Variants in ANK1 observed in about 807,000 individuals in gnomAD.
ANK1 encodes the protein ankyrin 1, also known as ankyrin-1.
Under a neutral mutation model 210.4 loss-of-function variants are expected in ANK1, and 51 were observed. The observed-to-expected ratio is 0.24, with a 90% CI of 0.19 to 0.31. The LOEUF (loss-of-function observed/expected upper bound fraction) is 0.31. Ranked by LOEUF, ANK1 falls within the 10% of genes least tolerant of loss-of-function variation. The pLI is 1.00. For missense variants in ANK1, 2,051 were observed against 2,504.4 expected, an observed-to-expected ratio of 0.82 and a Z score of 3.86; for synonymous variants, 967 against 1,025.9, an observed-to-expected ratio of 0.94 and a Z score of 1.10.
chr8:41,725,646 A>T, intron 6 of ANK1, 115 bp downstream of exon 6: 3 of 1,428,106 alleles, frequency 2.1e-6, no homozygotes, highest in Non-Finnish European at 2.8e-6. Context: ...CTCAGTGCGC[A>T]CTGCCCGCCC....
At chr8:41,809,681 T>A (rs1167181705) in intron 1 of ANK1, among the ~76,000 whole-genome samples, 1 of 151,480 alleles carries the variant, frequency 6.6e-6, no homozygotes, top group African/African-American at 2.4e-5. Context: ...GGCAGGAGGG[T>A]CGCTTGAGCC....
chr8:41,664,956 T>C, intron 39 of ANK1: 4 of 1,614,254 alleles, frequency 2.5e-6, no homozygotes, highest in Non-Finnish European at 1.7e-6. Context: ...CATCACGTTC[T>C]GACAGCTGAC....
chr8:41,810,896 T>C (rs989003594), intron 1 of ANK1, among the ~76,000 whole-genome samples: 7 of 152,194 alleles, frequency 4.6e-5, no homozygotes, highest in Non-Finnish European at 7.4e-5. Context: ...ATGGATGGCA[T>C]CACAGAGGTG....
At chr8:41,875,459 C>A (rs1409464868) in intron 1 of ANK1, among the ~76,000 whole-genome samples, 1 of 152,216 alleles carries the variant, frequency 6.6e-6, no homozygotes, top group Non-Finnish European at 1.5e-5. Context: ...GGGACTCTCC[C>A]AGGTGATACC....
rs190027849 is a variant in ANK1 at position 41,664,017 on chromosome 8, G to T, written c.5395-275C>A. 210 of 588,660 alleles carry T rather than the reference G, an allele frequency of 3.6e-4. No homozygotes were observed. The East Asian group carries it at 7.3e-3, about 20-fold the overall frequency. 36.5% of individuals were successfully genotyped at this position (588,660 alleles called of 1,614,324 possible). A position where few individuals can be genotyped will look rare whatever the true frequency, so the allele number is the denominator to read the frequency against. On this transcript the variant is annotated intron_variant, in intron 39 of 42. Coordinates refer to ENST00000289734, the MANE Select transcript of ANK1 (RefSeq NM_000037.4). ...ACCCCCTGGGAACCTGCAAAATGGG[G>T]GCAATTATGCAAGTCTGACGGAGGA...
intron 1 of ANK1, among the ~76,000 whole-genome samples, chr8:41,839,563 C>T (rs572600185): frequency 3.3e-5 from 5 of 152,196 alleles, no homozygotes; most frequent in Admixed American, 2.6e-4. Context: ...AGGCACATAT[C>T]GGTGGGATAA....
chr8:41,725,990 C>T (rs747153894), intron 5 of ANK1, 44 bp from the exon 6 acceptor site: 2 of 1,597,934 alleles, frequency 1.3e-6, no homozygotes, highest in South Asian at 2.2e-5. Context: ...CGTCTGACGC[C>T]AGCCGCCCTT....
At chr8:41,760,187 G>C (rs1052583551) in intron 1 of ANK1, among the ~76,000 whole-genome samples, 1 of 152,172 alleles carries the variant, frequency 6.6e-6, no homozygotes, top group Non-Finnish European at 1.5e-5. Flanking sequence ...AATTGATATG[G>C]TTTGGCTGTG....
At chr8:41,751,192 C>T (rs1412807930) in intron 2 of ANK1, among the ~76,000 whole-genome samples, 1 of 152,192 alleles carries the variant, frequency 6.6e-6, no homozygotes. Flanking sequence ...ATTAATCTAA[C>T]AATAATTCTG....
intron 1 of ANK1, among the ~76,000 whole-genome samples, chr8:41,787,881 G>A (rs1252511367): frequency 6.6e-6 from 1 of 151,806 alleles, no homozygotes. Flanking sequence ...AGGAGGAGGA[G>A]AAAGAAGGAA....
intron 18 of ANK1, among the ~76,000 whole-genome samples, chr8:41,705,090 C>T (rs1824193985): frequency 6.6e-6 from 1 of 152,216 alleles, no homozygotes; most frequent in Non-Finnish European, 1.5e-5. Flanking sequence ...GGGCTTGGGA[C>T]ATTCGCTCAT....
chr8:41,696,381 G>T lies in ANK1; in HGVS notation c.2942C>A (p.Thr981Lys), dbSNP rs767717861. Residue 981 changes from threonine (T) to lysine (K), a missense_variant, in exon 26 of 43, where the codon ACG becomes AAG. This residue lies in a region of ANK1 where 1,413 missense variants were observed against 1,707.4 expected (regional missense o/e 0.83). Transcript: ENST00000289734. ...LASRIIALGP[T>K]GAQFLSPVIV... ...AGCTCACCTCAGGAACTGTGCCCCC[G>T]TGGGCCCCAGTGCTATGATCCTGCT... 1 of 1,613,188 alleles carries T rather than the reference G, an allele frequency of 6.2e-7. No individual in the cohort carries two copies. Among genetic ancestry groups the T allele is most frequent in the Non-Finnish European group, 8.5e-7 (1 of 1,179,960 alleles).
At chr8:41,664,231 G>A in intron 39 of ANK1, 1 of 454,378 alleles carries the variant, frequency 2.2e-6, no homozygotes, top group Non-Finnish European at 4.4e-6. Context: ...CAGCACTTTG[G>A]GAGGCCAAGG....
At chr8:41,723,366 A>T in intron 8 of ANK1, 143 bp from the exon 9 acceptor site, 1 of 1,169,322 alleles carries the variant, frequency 8.6e-7, no homozygotes, top group Non-Finnish European at 1.3e-6. Context: ...GCACAGTTTT[A>T]CTATTGCCTC....
chr8:41,859,077 A>G (rs544760571), intron 1 of ANK1, among the ~76,000 whole-genome samples: 2 of 152,360 alleles, frequency 1.3e-5, no homozygotes, highest in African/African-American at 4.8e-5. Flanking sequence ...GGACGCTGAA[A>G]GGGGTCAAGG....
chr8:41,855,329 CA>C (rs768954575), intron 1 of ANK1, among the ~76,000 whole-genome samples: 18 of 152,210 alleles, frequency 1.2e-4, no homozygotes, highest in Non-Finnish European at 2.4e-4. Context: ...TTCCATTTTT[CA>C]TTTGTCAGTG....
chr8:41,750,848 G>T (rs557956764), intron 2 of ANK1, among the ~76,000 whole-genome samples: 3 of 152,196 alleles, frequency 2.0e-5, no homozygotes, highest in Non-Finnish European at 4.4e-5. Flanking sequence ...GGACGACAAA[G>T]CTTCTCCTTT....
intron 2 of ANK1, among the ~76,000 whole-genome samples, chr8:41,734,936 C>A (rs907908349): frequency 2.6e-5 from 4 of 152,156 alleles, no homozygotes; most frequent in African/African-American, 4.8e-5. Flanking sequence ...CCTTTGCCAT[C>A]CCACCATTTC....
chr8:41,662,030 G>T, intron 40 of ANK1, 89 bp from the exon 41 acceptor site: 2 of 1,491,716 alleles, frequency 1.3e-6, no homozygotes, highest in South Asian at 1.1e-5. Flanking sequence ...AGGCTGACGT[G>T]CAGATCATCT....
Sources: allele counts gnomAD v4.1 joint callset (sites outside exome capture counted in the v4.1 genomes callset), GRCh38; gene constraint gnomAD v4.1.1; regional missense constraint gnomAD v4.1.1; transcripts MANE v1.5; gene names NCBI Gene and HGNC (gene_info 2026-07-23, HGNC 2026-07-21).